The following SLC25A26 variants were observed in gnomAD, a reference collection of about 807,000 sequenced individuals.
SLC25A26 encodes the protein mitochondrial S-adenosylmethionine carrier protein.
Under a neutral mutation model 37.8 loss-of-function variants are expected in SLC25A26, and 36 were observed. The ratio of observed to expected loss-of-function variants is 0.95; its 90% CI spans 0.73 to 1.26. SLC25A26 has a LOEUF of 1.26. SLC25A26 is among the 50% of genes most tolerant of loss of function. The pLI, the probability that SLC25A26 is intolerant of heterozygous loss-of-function variation, is 0.00. For synonymous variants in SLC25A26, 129 were observed against 122.5 expected (o/e 1.05, Z -0.35); for missense variants, 390 against 331.1 (o/e 1.18, Z -1.38).
chr3:66,264,589 T>C (rs575474352), intron 5 of SLC25A26, among the ~76,000 whole-genome samples: 2 of 152,062 alleles, frequency 1.3e-5, no homozygotes, highest in Non-Finnish European at 2.9e-5. Flanking sequence ...GGGATTTAGG[T>C]TGTGTGTTCC....
intron 1 of SLC25A26, among the ~76,000 whole-genome samples, chr3:66,179,617 A>G (rs2070657145): frequency 6.6e-6 from 1 of 152,262 alleles, no homozygotes; most frequent in Admixed American, 6.5e-5. Context: ...CTGGGAATAA[A>G]TCAAGTTCAA....
At chr3:66,231,930 C>G (rs896528977) in intron 1 of SLC25A26, among the ~76,000 whole-genome samples, 5 of 152,058 alleles carry the variant, frequency 3.3e-5, no homozygotes, top group African/African-American at 9.7e-5. Flanking sequence ...GCCACTGCAC[C>G]CAGCCTACCT....
At position 66,295,382 on chromosome 3, in the gene SLC25A26, C is replaced by T. The variant is rs1410194281; in HGVS notation, c.453+32003C>T. On this transcript the variant is annotated intron_variant, in intron 5 of 9. Coordinates refer to ENST00000354883, the MANE Select transcript of SLC25A26 (RefSeq NM_001379210.1). The stretch of plus-strand genomic sequence containing the variant: ...GGGATTACAGGCGCATGCCACCATA[C>T]CTGTCTAATTTTTTGTATTTTTGTT... Among the ~76,000 whole-genome samples, 9 of 151,738 alleles carry T rather than the reference C, an allele frequency of 5.9e-5. No homozygotes were observed. The East Asian group carries it at 1.7e-3, about 29-fold the overall frequency.
intron 1 of SLC25A26, among the ~76,000 whole-genome samples, chr3:66,232,161 T>C (rs1334044043): frequency 7.2e-5 from 11 of 152,228 alleles, no homozygotes; most frequent in Admixed American, 6.5e-5. Context: ...TTTTGCCAAA[T>C]TGTCCTCCAG....
intron 6 of SLC25A26, among the ~76,000 whole-genome samples, chr3:66,349,238 A>C (rs140318433): frequency 6.6e-6 from 1 of 152,138 alleles, no homozygotes; most frequent in African/African-American, 2.4e-5. Flanking sequence ...TTTTCTGTCA[A>C]GTCGTTTCTT....
chr3:66,323,410 C>T (rs1266035465), intron 5 of SLC25A26, among the ~76,000 whole-genome samples: 6 of 152,204 alleles, frequency 3.9e-5, no homozygotes, highest in African/African-American at 1.4e-4. Flanking sequence ...CAGGCAGAGC[C>T]AATTTATCAA....
upstream of SLC25A26, among the ~76,000 whole-genome samples, chr3:66,218,370 A>G (rs1358149146): frequency 2.0e-5 from 3 of 152,214 alleles, no homozygotes; most frequent in African/African-American, 7.2e-5. Flanking sequence ...GGATTTTATA[A>G]TGGTTGTACC....
intron 1 of SLC25A26, among the ~76,000 whole-genome samples, chr3:66,146,000 A>G (rs918414496): frequency 1.3e-5 from 2 of 152,348 alleles, no homozygotes; most frequent in African/African-American, 4.8e-5. Context: ...ACATGAAAGT[A>G]GACCGTTTTT....
intron 1 of SLC25A26, among the ~76,000 whole-genome samples, chr3:66,230,455 G>A (rs550482745): frequency 1.3e-5 from 2 of 152,058 alleles, no homozygotes; most frequent in African/African-American, 2.4e-5. Flanking sequence ...ATGTATGTAG[G>A]GGGGTGGAGG....
At chr3:66,310,923 C>T (rs75948724) in intron 5 of SLC25A26, among the ~76,000 whole-genome samples, 1 of 152,164 alleles carries the variant, frequency 6.6e-6, no homozygotes, top group Non-Finnish European at 1.5e-5. Flanking sequence ...CTGCCCTTAA[C>T]ATTTTTTCCT....
chr3:66,205,065 T>A (rs1312216158), intron 1 of SLC25A26, among the ~76,000 whole-genome samples: 1 of 152,224 alleles, frequency 6.6e-6, no homozygotes, highest in Non-Finnish European at 1.5e-5. Flanking sequence ...TGGGTTTTCC[T>A]GATACTGAAA....
intron 5 of SLC25A26, among the ~76,000 whole-genome samples, chr3:66,270,079 G>T (rs926783936): frequency 6.6e-6 from 1 of 152,102 alleles, no homozygotes; most frequent in Non-Finnish European, 1.5e-5. Context: ...CTCTAAGGGG[G>T]CTTGGAGTTA....
chr3:66,150,095 A>G (rs1225490840), intron 1 of SLC25A26, among the ~76,000 whole-genome samples: 1 of 152,182 alleles, frequency 6.6e-6, no homozygotes. Context: ...TGGCCATGTC[A>G]AAGTCCTGTC....
At chr3:66,370,400 C>A in intron 8 of SLC25A26, 129 bp from the exon 9 acceptor site, 1 of 797,574 alleles carries the variant, frequency 1.3e-6, no homozygotes, top group Non-Finnish European at 2.1e-6. Flanking sequence ...TGCCAAGAAA[C>A]TCCCTGGTAT....
chr3:66,206,187 GT>G (rs1227099357), intron 1 of SLC25A26, among the ~76,000 whole-genome samples: 2 of 152,186 alleles, frequency 1.3e-5, no homozygotes, highest in Non-Finnish European at 2.9e-5. Context: ...ATGTTGGGAT[GT>G]TTTCAGTGTG....
intron 3 of SLC25A26, among the ~76,000 whole-genome samples, chr3:66,246,449 G>T (rs1009250227): frequency 6.6e-6 from 1 of 152,220 alleles, no homozygotes. Context: ...CTTTTTATTT[G>T]TAGAAAGTCG....
chr3:66,285,277 T>A (rs183456351), intron 5 of SLC25A26, among the ~76,000 whole-genome samples: 7,881 of 151,934 alleles, frequency 0.052, 616 homozygotes, highest in African/African-American at 0.17. Flanking sequence ...ATTATTTTTT[T>A]TAAAAAACCC....
chr3:66,218,917 C>T (rs1049150144), upstream of SLC25A26, among the ~76,000 whole-genome samples: 1 of 152,200 alleles, frequency 6.6e-6, no homozygotes, highest in East Asian at 1.9e-4. Flanking sequence ...ACTGTAGTGT[C>T]ATGAAAATTT....
intron 5 of SLC25A26, among the ~76,000 whole-genome samples, chr3:66,290,390 G>T (rs1476299663): frequency 6.6e-6 from 1 of 152,152 alleles, no homozygotes; most frequent in African/African-American, 2.4e-5. Flanking sequence ...TTTGTCTTAT[G>T]TCAGTTTTCA....
Sources: gnomAD v4.1 joint callset for allele counts (sites outside exome capture counted in the v4.1 genomes callset) on GRCh38, gnomAD v4.1.1 for gene constraint, MANE v1.5 for transcripts, NCBI Gene and HGNC (gene_info 2026-07-23, HGNC 2026-07-21) for gene names.